Variants in CRACR2A observed in about 807,000 individuals in gnomAD.
CRACR2A encodes EF-hand calcium-binding domain-containing protein 4B.
A neutral mutation model predicts 90.5 loss-of-function variants in CRACR2A; 79 were observed. The observed-to-expected ratio is 0.87, with a 90% CI of 0.73 to 1.05. CRACR2A has a LOEUF of 1.05. Ranked by LOEUF, CRACR2A falls within the 50% of genes least tolerant of loss-of-function variation. The probability of loss-of-function intolerance (pLI) is 0.00; values close to 1 mark genes in which losing one functional copy is unlikely to be tolerated. For missense variants in CRACR2A, 823 were observed against 897.2 expected (o/e 0.92, Z 1.06); for synonymous variants, 338 against 356.7 (o/e 0.95, Z 0.59).
At chr12:3,648,346 A>G (rs1417720737) in intron 11 of CRACR2A, 196 bp downstream of exon 11, 2 of 1,483,522 alleles carry the variant, frequency 1.3e-6, no homozygotes, top group African/African-American at 1.4e-5. Flanking sequence ...ATGTGGGCGC[A>G]TGTGTAAACG....
intron 15 of CRACR2A, among the ~76,000 whole-genome samples, chr12:3,629,854 G>T (rs931780955): frequency 2.8e-4 from 43 of 151,254 alleles, no homozygotes; most frequent in Non-Finnish European, 4.9e-4. Context: ...GACAAGGGGG[G>T]GGGGGGATGA....
chr12:3,624,106 A>G (rs1944209429), intron 17 of CRACR2A, among the ~76,000 whole-genome samples: 1 of 152,174 alleles, frequency 6.6e-6, no homozygotes, highest in African/African-American at 2.4e-5. Context: ...ACCTCCCCCG[A>G]GCATCTGTTC....
In CRACR2A at chr12:3,638,188, G is replaced by A. The variant is rs544454582; in HGVS notation, c.1538C>T (p.Pro513Leu). ...GGATGTGGGGGTGAGTTTCAAGGGT[G>A]GGGCCTCCGGGATTTGTCCCTGTAC... ...QGVQGQIPEAPPLKLTPTSPR... is the reference protein window; with the variant it reads ...QGVQGQIPEALPLKLTPTSPR... Residue 513 changes from proline to leucine, a missense_variant, in exon 14 of 20, where the codon CCA becomes CTA. Physicochemically the swap from Pro to Leu is moderately conservative, Grantham distance 98. Transcript: ENST00000440314. 2.2e-5 allele frequency: 34 copies of A among 1,551,256 alleles called. 1 individual carries two copies. The Admixed American group carries it at 4.9e-4, about 22-fold the overall frequency.
At chr12:3,643,825 TATATAA>T (rs1237279171) in intron 12 of CRACR2A, among the ~76,000 whole-genome samples, 8 of 108,442 alleles carry the variant, frequency 7.4e-5, no homozygotes, top group Non-Finnish European at 1.2e-4. Context: ...ATTTATATTA[TATATAA>T]ATATATATAA....
rs780980196 is a variant in CRACR2A at position 3,627,569 on chromosome 12, G to C, written c.1818-19C>G. 2.7e-5 allele frequency: 42 copies of C among 1,551,474 alleles called. 2 individuals carry two copies. The highest frequency in any genetic ancestry group is 3.3e-4 in the Middle Eastern group (2 of 5,992). ...CCGGTACCTGCCACAGAAGGGCCAC[G>C]GGTCAGGCATGCACGGCCTTCCCTC... On this transcript the variant is annotated intron_variant, in intron 16 of 19. Coordinates refer to ENST00000440314, the MANE Select transcript of CRACR2A (RefSeq NM_001144958.2).
At chr12:3,658,513 A>G (rs1435432790) in intron 8 of CRACR2A, among the ~76,000 whole-genome samples, 1 of 152,178 alleles carries the variant, frequency 6.6e-6, no homozygotes, top group South Asian at 2.1e-4. Context: ...CAGGCGCTAC[A>G]AGAGGGAGGA....
chr12:3,646,030 T>G (rs1001941310), intron 11 of CRACR2A, among the ~76,000 whole-genome samples: 3 of 151,932 alleles, frequency 2.0e-5, no homozygotes, highest in Admixed American at 6.5e-5. Context: ...GGGGAGTACA[T>G]CCACCGTAAC....
chr12:3,735,215 G>A (rs10774167), intron 1 of CRACR2A, among the ~76,000 whole-genome samples: 41,112 of 151,996 alleles, frequency 0.27, 6,377 homozygotes, highest in African/African-American at 0.43. Context: ...CCTCAATAAA[G>A]CTGGAAGAAA....
intron 2 of CRACR2A, among the ~76,000 whole-genome samples, chr12:3,722,819 A>C (rs544452763): frequency 6.6e-6 from 1 of 152,318 alleles, no homozygotes; most frequent in South Asian, 2.1e-4. Context: ...ACTGGCTCTG[A>C]CTACAAATGT....
chr12:3,653,614 G>A (rs909089784), intron 10 of CRACR2A, among the ~76,000 whole-genome samples: 2 of 152,176 alleles, frequency 1.3e-5, no homozygotes, highest in Non-Finnish European at 1.5e-5. Context: ...ATATTGGCAG[G>A]TCGGGCCCTG....
At chr12:3,690,286 G>T (rs1945630796) in intron 4 of CRACR2A, among the ~76,000 whole-genome samples, 1 of 152,118 alleles carries the variant, frequency 6.6e-6, no homozygotes, top group Admixed American at 6.5e-5. Flanking sequence ...ACTTTTTAAT[G>T]TGAGCATTTA....
intron 17 of CRACR2A, among the ~76,000 whole-genome samples, chr12:3,626,434 C>A (rs1266294367): frequency 1.3e-5 from 2 of 152,178 alleles, no homozygotes; most frequent in African/African-American, 2.4e-5. Flanking sequence ...GAGACACAGG[C>A]CAGTAAATAA....
At chr12:3,678,436 C>T (rs1171322438) in intron 6 of CRACR2A, among the ~76,000 whole-genome samples, 1 of 152,102 alleles carries the variant, frequency 6.6e-6, no homozygotes, top group Non-Finnish European at 1.5e-5. Flanking sequence ...TGGGTTTTGG[C>T]CAGGAAGGCA....
At position 3,640,905 on chromosome 12, in the gene CRACR2A, G is replaced by A. The variant is rs921425083; in HGVS notation, c.1271+827C>T. The A allele has an allele frequency of 1.7e-5, 18 of 1,051,410 alleles. No homozygotes were observed. In the Admixed American group the frequency reaches 4.4e-4, roughly 26 times the overall value. 65.1% of individuals were successfully genotyped at this position (1,051,410 alleles called of 1,614,324 possible). On this transcript the variant is annotated intron_variant, in intron 13 of 19. Transcript: ENST00000440314. ...GTGCTGCCCAAGAGCAACAAAATGT[G>A]TTATGTTTGAGTTAATTAAATATAG...
chr12:3,684,247 C>G (rs953974424), intron 4 of CRACR2A, among the ~76,000 whole-genome samples: 7 of 152,170 alleles, frequency 4.6e-5, no homozygotes, highest in African/African-American at 1.4e-4. Flanking sequence ...CACCAACCAC[C>G]CTCTTCCCTG....
intron 19 of CRACR2A, 83 bp downstream of exon 19, chr12:3,616,871 G>A (rs1449642030): frequency 4.3e-5 from 48 of 1,108,192 alleles, no homozygotes; most frequent in Non-Finnish European, 6.4e-5. Flanking sequence ...GTGTGGCCTG[G>A]GTGGAGGGAA....
intron 2 of CRACR2A, among the ~76,000 whole-genome samples, chr12:3,719,132 G>A (rs1459666547): frequency 3.3e-5 from 5 of 152,174 alleles, no homozygotes; most frequent in Admixed American, 2.6e-4. Context: ...CACAGCCTCG[G>A]TTATGTGCAG....
At chr12:3,731,391 G>A (rs1242986909) in intron 2 of CRACR2A, 1 of 152,352 alleles carries the variant, frequency 6.6e-6, no homozygotes, top group Non-Finnish European at 1.5e-5. Flanking sequence ...CCCATACAAA[G>A]GAGAGCGATA....
chr12:3,716,257 C>T (rs775803954), intron 2 of CRACR2A, among the ~76,000 whole-genome samples: 2 of 152,192 alleles, frequency 1.3e-5, no homozygotes, highest in Non-Finnish European at 2.9e-5. Context: ...GGGCCACTTC[C>T]ACCTCTTGGT....
Sources: allele counts gnomAD v4.1 joint callset (sites outside exome capture counted in the v4.1 genomes callset), GRCh38; gene constraint gnomAD v4.1.1; transcripts MANE v1.5; gene names NCBI Gene and HGNC (gene_info 2026-07-23, HGNC 2026-07-21).